The following MAPKAP1 variants were observed in gnomAD, a reference collection of about 807,000 sequenced individuals.
The protein encoded by MAPKAP1 is MAPK associated protein 1.
Under a neutral mutation model 65.7 loss-of-function variants are expected in MAPKAP1, and 20 were observed. The ratio of observed to expected loss-of-function variants is 0.30; its 90% CI spans 0.21 to 0.44. The LOEUF is 0.44. Ranked by LOEUF, MAPKAP1 falls within the 20% of genes least tolerant of loss-of-function variation. The probability of loss-of-function intolerance (pLI) is 1.00; values close to 1 mark genes in which losing one functional copy is unlikely to be tolerated. For synonymous variants in MAPKAP1, 222 were observed against 244.3 expected (o/e 0.91, Z 0.85); for missense variants, 423 against 648.0 (o/e 0.65, Z 3.77).
intron 1 of MAPKAP1, among the ~76,000 whole-genome samples, chr9:125,689,844 T>A (rs1266125834): frequency 1.3e-5 from 2 of 151,998 alleles, no homozygotes; most frequent in East Asian, 3.9e-4. Flanking sequence ...CCCAGAACTT[T>A]GAGAGGCCGA....
intron 1 of MAPKAP1, among the ~76,000 whole-genome samples, chr9:125,676,307 T>C (rs1272338060): frequency 6.6e-6 from 1 of 152,196 alleles, no homozygotes; most frequent in Non-Finnish European, 1.5e-5. Flanking sequence ...TTTGTAATAC[T>C]GGAAATCTAA....
At chr9:125,694,818 A>T (rs552533004) in intron 1 of MAPKAP1, among the ~76,000 whole-genome samples, 2 of 152,346 alleles carry the variant, frequency 1.3e-5, no homozygotes, top group African/African-American at 4.8e-5. Flanking sequence ...GTCTAAACTG[A>T]AGACTCAATA....
At chr9:125,589,821 C>T (rs1023334690) in intron 4 of MAPKAP1, among the ~76,000 whole-genome samples, 17 of 152,140 alleles carry the variant, frequency 1.1e-4, no homozygotes, top group African/African-American at 1.7e-4. Flanking sequence ...CACCCACACT[C>T]GCTGTCCCTC....
rs33954490 is a variant in MAPKAP1, at chr9:125,492,035, T to TAAA, written c.1067-7455_1067-7453dup. Among the ~76,000 whole-genome samples the TAAA allele has an allele frequency of 2.6e-3, 332 of 125,386 alleles. 2 individuals are homozygous for TAAA. The highest frequency in any genetic ancestry group is 3.1e-3 in the Non-Finnish European group (184 of 60,302). 82.3% of individuals were successfully genotyped at this position (125,386 alleles called of 152,430 possible). On this transcript the variant is annotated intron_variant, in intron 8 of 11. Coordinates refer to ENST00000265960, the MANE Select transcript of MAPKAP1 (RefSeq NM_001006617.3). ...GTGAGACTTTATCTCTACTGAAAGT[T>TAAA]AAAAAAAAAAAAAAAAAAGTCAGCT...
chr9:125,599,192 G>A (rs549718004), intron 4 of MAPKAP1, among the ~76,000 whole-genome samples: 1 of 151,726 alleles, frequency 6.6e-6, no homozygotes, highest in Non-Finnish European at 1.5e-5. Context: ...ATAGACTTTT[G>A]AAACTACAAG....
At chr9:125,656,583 G>A (rs367645390) in intron 4 of MAPKAP1, among the ~76,000 whole-genome samples, 2 of 151,858 alleles carry the variant, frequency 1.3e-5, no homozygotes, top group East Asian at 3.9e-4. Flanking sequence ...GTCTTTCGAA[G>A]AGAAAACACC....
At chr9:125,453,262 C>T (rs1172737623) in intron 10 of MAPKAP1, among the ~76,000 whole-genome samples, 1 of 152,234 alleles carries the variant, frequency 6.6e-6, no homozygotes, top group Non-Finnish European at 1.5e-5. Flanking sequence ...GATGGAGTTT[C>T]GCCATGCTGG....
rs569618011 is a variant in MAPKAP1, at chr9:125,627,594, T to A, written c.498+30057A>T. On this transcript the variant is annotated intron_variant, in intron 4 of 11. Transcript: ENST00000265960. ...CTGCCAGCACACTTCACCTAACTCT[T>A]TTTTATTTTTTTTAAGAGACAGTAT... Among the ~76,000 whole-genome samples the A allele has an allele frequency of 2.0e-4, 30 of 152,048 alleles. 1 individual carries two copies. In the South Asian group the frequency reaches 5.8e-3, roughly 30 times the overall value.
intron 5 of MAPKAP1, chr9:125,567,444 T>C (rs1042234541): frequency 1.3e-5 from 2 of 152,178 alleles, no homozygotes; most frequent in Non-Finnish European, 2.9e-5. Context: ...ACCAGCGCCA[T>C]GACAGTTTAC....
intron 5 of MAPKAP1, among the ~76,000 whole-genome samples, chr9:125,560,851 T>C (rs1203336911): frequency 6.6e-6 from 1 of 152,218 alleles, no homozygotes; most frequent in African/African-American, 2.4e-5. Context: ...CAGATTGCAG[T>C]CTTGCCCAGT....
intron 4 of MAPKAP1, among the ~76,000 whole-genome samples, chr9:125,619,293 G>A (rs1352298892): frequency 6.6e-6 from 1 of 152,028 alleles, no homozygotes; most frequent in East Asian, 1.9e-4. Context: ...TGGTGGCAGC[G>A]ATAACATAAA....
At chr9:125,622,699 C>T (rs1248433695) in intron 4 of MAPKAP1, among the ~76,000 whole-genome samples, 1 of 152,174 alleles carries the variant, frequency 6.6e-6, no homozygotes, top group East Asian at 1.9e-4. Flanking sequence ...CCATCTTGGC[C>T]TCCCAAAGTG....
intron 4 of MAPKAP1, among the ~76,000 whole-genome samples, chr9:125,640,394 T>C (rs1010817022): frequency 3.3e-5 from 5 of 152,100 alleles, no homozygotes; most frequent in South Asian, 2.1e-4. Flanking sequence ...TGAGCCACCA[T>C]GCCCGGCCAC....
At chr9:125,580,236 CAT>C (rs1356995463) in intron 5 of MAPKAP1, among the ~76,000 whole-genome samples, 2 of 152,172 alleles carry the variant, frequency 1.3e-5, no homozygotes, top group Admixed American at 6.5e-5. Context: ...CACATGCACA[CAT>C]GTGTTTACTG....
At chr9:125,625,834 G>T (rs1482540083) in intron 4 of MAPKAP1, among the ~76,000 whole-genome samples, 1 of 151,992 alleles carries the variant, frequency 6.6e-6, no homozygotes. Context: ...AAAAAACTGA[G>T]GTCAGACTGA....
At chr9:125,443,579 T>TGAG in intron 11 of MAPKAP1, among the ~76,000 whole-genome samples, 1 of 152,134 alleles carries the variant, frequency 6.6e-6, no homozygotes, top group Non-Finnish European at 1.5e-5. Flanking sequence ...TCTCAGGTCC[T>TGAG]ATCCCAGACC....
At chr9:125,442,602 A>G (rs1852534821) in intron 11 of MAPKAP1, among the ~76,000 whole-genome samples, 1 of 151,360 alleles carries the variant, frequency 6.6e-6, no homozygotes, top group African/African-American at 2.4e-5. Flanking sequence ...AGGTCCCTGA[A>G]CACTCTGCAC....
In MAPKAP1 at chr9:125,624,578, C is replaced by T. The variant is rs1293058724; in HGVS notation, c.498+33073G>A. 1.0e-4 allele frequency among the ~76,000 whole-genome samples: 6 copies of T among 59,910 alleles called. 2 individuals carry two copies. The highest frequency in any genetic ancestry group is 2.2e-4 in the Non-Finnish European group (6 of 27,066). 39.3% of individuals were successfully genotyped at this position (59,910 alleles called of 152,430 possible). The stretch of plus-strand genomic sequence containing the variant: ...GAGGGAGGTGGGGGGTTCAGCCCCC[C>T]GCCCGGCCAGCCGCCCCGTCCGGGA... On this transcript the variant is annotated intron_variant, in intron 4 of 11. Transcript: ENST00000265960.
intron 6 of MAPKAP1, among the ~76,000 whole-genome samples, chr9:125,549,771 T>C (rs1318936184): frequency 6.6e-6 from 1 of 152,162 alleles, no homozygotes; most frequent in Non-Finnish European, 1.5e-5. Context: ...GACACAGATG[T>C]ATTTGAGCTC....
Sources: gnomAD v4.1 joint callset for allele counts (sites outside exome capture counted in the v4.1 genomes callset) on GRCh38, gnomAD v4.1.1 for gene constraint, MANE v1.5 for transcripts, NCBI Gene and HGNC (gene_info 2026-07-23, HGNC 2026-07-21) for gene names.